The following ANKK1 variants were observed in gnomAD, a reference collection of about 807,000 sequenced individuals.
ANKK1 encodes the protein ankyrin repeat and kinase domain containing 1.
Under a neutral mutation model 37.6 loss-of-function variants are expected in ANKK1, and 37 were observed. The observed-to-expected ratio is 0.98, with a 90% confidence interval of 0.76 to 1.29. ANKK1 has a LOEUF of 1.29. Among genes scored for constraint, ANKK1 ranks in the 50% most tolerant of loss-of-function variants. The probability of loss-of-function intolerance (pLI) is 0.00; values close to 1 mark genes in which losing one functional copy is unlikely to be tolerated. For synonymous variants in ANKK1, 415 were observed against 418.7 expected (o/e 0.99, Z 0.11); for missense variants, 1,019 against 990.6 (o/e 1.03, Z -0.39).
intron 2 of ANKK1, 130 bp from the exon 3 acceptor site, chr11:113,394,799 G>T: frequency 7.9e-7 from 1 of 1,267,986 alleles, no homozygotes; most frequent in Non-Finnish European, 1.1e-6. Context: ...GGTAGTGCTA[G>T]GAGGGAGTGT....
chr11:113,395,513 G>T (rs953118527), intron 4 of ANKK1, 105 bp downstream of exon 4: 41 of 1,228,830 alleles, frequency 3.3e-5, no homozygotes, highest in South Asian at 6.4e-5. Context: ...TCAAGTTGCA[G>T]GTTTGTGTGG....
In ANKK1 at chr11:113,395,001, C is replaced by T. The variant is rs779011394; in HGVS notation, c.553C>T (p.Arg185Trp). Residue 185 changes from arginine (R) to tryptophan (W), a missense_variant, in exon 3 of 8, where the codon CGG (arginine) becomes TGG (tryptophan). Transcript: ENST00000303941. ...RMQYIERSAL[R>W]GMLSYIPPEM... ...GCAGTACATCGAGAGGTCGGCTCTG[C>T]GGGGCATGCTCAGCTACATCCCCCC... 45 of 1,613,322 alleles carry T rather than the reference C, an allele frequency of 2.8e-5. No individual in the cohort carries two copies. Among genetic ancestry groups the T allele is most frequent in the East Asian group, 1.1e-4 (5 of 44,864 alleles).
chr11:113,391,042 A>G (rs1244739781), intron 1 of ANKK1, among the ~76,000 whole-genome samples: 1 of 152,190 alleles, frequency 6.6e-6, no homozygotes, highest in Non-Finnish European at 1.5e-5. Flanking sequence ...TTGCTTTTTT[A>G]TGTAGACTTC....
At position 113,399,436 on chromosome 11, in the gene ANKK1, G is replaced by A. The variant is rs1159303036; in HGVS notation, c.1467G>A (p.Leu489=). Residue 489 remains leucine (L), a synonymous_variant, in exon 8 of 8, where the codon CTG becomes CTA. Transcript: ENST00000303941. Reference sequence around the variant, plus strand: ...TCTCCCGTCAGGCTGACCCCAACCTGCATGAGGCTGAGGGCAAGACCCCCC... The same window carrying A: ...TCTCCCGTCAGGCTGACCCCAACCTACATGAGGCTGAGGGCAAGACCCCCC... ...LLVSRQADPN[L]HEAEGKTPLH... The A allele has an allele frequency of 6.3e-7, 1 of 1,598,612 alleles. No individual in the cohort carries two copies. Among genetic ancestry groups the A allele is most frequent in the Admixed American group, 1.7e-5 (1 of 58,010 alleles).
At chr11:113,398,112 TC>T (rs1950654422) in intron 7 of ANKK1, 96 bp downstream of exon 7, 2 of 1,396,148 alleles carry the variant, frequency 1.4e-6, no homozygotes, top group Non-Finnish European at 9.9e-7. Context: ...CTCCCCCTCA[TC>T]CCCAGGCCTA....
chr11:113,391,170 A>C (rs754942730), intron 1 of ANKK1, among the ~76,000 whole-genome samples: 1 of 152,200 alleles, frequency 6.6e-6, no homozygotes, highest in Non-Finnish European at 1.5e-5. Flanking sequence ...AACAGGTGCA[A>C]AGGTCCTGAG....
rs755742742 is a variant in ANKK1, at chr11:113,396,166, T to A, written c.782T>A (p.Val261Glu). 29 of 1,613,830 alleles carry A rather than the reference T, an allele frequency of 1.8e-5. No individual in the cohort carries two copies. In the South Asian group the frequency reaches 2.9e-4, roughly 16 times the overall value. Residue 261 changes from valine (V) to glutamate (E), a missense_variant, in exon 5 of 8, where the codon GTG (valine) becomes GAG (glutamate). Transcript: ENST00000303941. ...DQWPSEAQQM[V>E]DLMKRCWDQD... ...TGGCCAAGCGAGGCCCAGCAGATGG[T>A]GGACCTGATGAAACGCTGCTGGGAC... is the stretch of plus-strand genomic sequence containing the variant.
chr11:113,399,432 A>C lies in ANKK1; in HGVS notation c.1463A>C (p.Asn488Thr). 1.3e-6 allele frequency: 2 copies of C among 1,599,790 alleles called. No individual in the cohort carries two copies. The highest frequency in any genetic ancestry group is 2.3e-5 in the South Asian group (2 of 88,314). The change falls in exon 8 of 8, where the codon AAC (asparagine) becomes ACC (threonine). Residue 488 changes from asparagine to threonine, a missense_variant. By Grantham distance (65) the Asn-to-Thr change is moderately conservative. Transcript: ENST00000303941. Reference protein sequence around the residue: ...RLLVSRQADPNLHEAEGKTPL... With the variant: ...RLLVSRQADPTLHEAEGKTPL... ...CTGGTCTCCCGTCAGGCTGACCCCA[A>C]CCTGCATGAGGCTGAGGGCAAGACC...
chr11:113,400,027 CGCCCGCAACAAGGTGGG>C lies in ANKK1; in HGVS notation c.2059_2075del (p.Ala687LeufsTer66). 1 of 1,613,498 alleles carries C rather than the reference CGCCCGCAACAAGGTGGG, an allele frequency of 6.2e-7. No homozygotes were observed. Among genetic ancestry groups the C allele is most frequent in the South Asian group, 1.1e-5 (1 of 91,068 alleles). ...TCCTAGAACATCACGCAAATGTCCA[CGCCCGCAACAAGGTGGG>C]CTGGACACCCGCCCACCTGGCCGCC... On this transcript the variant is annotated frameshift_variant, in exon 8 of 8. Transcript: ENST00000303941. LOFTEE classifies it low-confidence loss of function (END_TRUNC).
chr11:113,387,811 C>G lies in ANKK1; in HGVS notation c.-74C>G, dbSNP rs1305549261. ...TCTCCCGGACCCGAGGAGCAGGAAG[C>G]GGCGGCTCCTTCGGCCACCCAGGCA... On this transcript the variant is annotated 5_prime_UTR_variant, in exon 1 of 8. Coordinates refer to ENST00000303941, the MANE Select transcript of ANKK1 (RefSeq NM_178510.2). 7.1e-7 allele frequency: 1 copy of G among 1,412,240 alleles called. No homozygotes were observed. Among genetic ancestry groups the G allele is most frequent in the Non-Finnish European group, 9.3e-7 (1 of 1,076,328 alleles). The allele number at this position is 1,412,240 out of a possible 1,614,324, so 87.5% of individuals were successfully genotyped here.
chr11:113,399,533 GC>G lies in ANKK1; in HGVS notation c.1565del (p.Ala522ValfsTer6). 1 of 1,597,162 alleles carries G rather than the reference GC, an allele frequency of 6.3e-7. No individual in the cohort carries two copies. The highest frequency in any genetic ancestry group is 1.7e-5 in the Admixed American group (1 of 57,714). On this transcript the variant is annotated frameshift_variant, in exon 8 of 8. Coordinates refer to ENST00000303941, the MANE Select transcript of ANKK1 (RefSeq NM_178510.2). LOFTEE classifies it low-confidence loss of function (END_TRUNC). ...LLTSQGAELDAQQRNLRTPLH... is the reference protein window; with the variant it reads ...LLTSQGAELDXQQRNLRTPLH... The stretch of plus-strand genomic sequence containing the variant: ...GACCAGCCAGGGGGCTGAGTTGGAT[GC>G]TCAGCAGAGAAACCTGAGAACACCA...
intron 1 of ANKK1, among the ~76,000 whole-genome samples, chr11:113,390,664 G>A (rs1406346168): frequency 6.6e-6 from 1 of 151,742 alleles, no homozygotes; most frequent in African/African-American, 2.4e-5. Flanking sequence ...GAACCCAGGA[G>A]GCAGAGGTTG....
chr11:113,389,614 C>T (rs11823773), intron 1 of ANKK1, among the ~76,000 whole-genome samples: 12,109 of 152,226 alleles, frequency 0.08, 1,597 homozygotes, highest in African/African-American at 0.28. Context: ...AGCTCATTAA[C>T]AGAAAGTTTG....
rs1440721572 is a variant in ANKK1, at chr11:113,399,219, A to G, written c.1250A>G (p.His417Arg). 1 of 1,605,908 alleles carries G rather than the reference A, an allele frequency of 6.2e-7. No individual in the cohort carries two copies. The highest frequency in any genetic ancestry group is 1.1e-5 in the South Asian group (1 of 88,972). Residue 417 changes from histidine (H) to arginine (R), a missense_variant, in exon 8 of 8, where the codon CAT (histidine) becomes CGT (arginine). Coordinates refer to ENST00000303941, the MANE Select transcript of ANKK1 (RefSeq NM_178510.2). The part of the protein sequence containing the change: ...QPDLCALLLA[H>R]GADANRVDED... ...GACCTCTGTGCCCTGCTTTTGGCACATGGTGCTGATGCCAACCGAGTGGAT... is the reference window on the plus strand; with the variant it reads ...GACCTCTGTGCCCTGCTTTTGGCACGTGGTGCTGATGCCAACCGAGTGGAT...
At chr11:113,395,193 C>T (rs1303271468) in intron 3 of ANKK1, 113 bp downstream of exon 3, 11 of 1,496,904 alleles carry the variant, frequency 7.3e-6, no homozygotes, top group Non-Finnish European at 9.9e-6. Flanking sequence ...AGGTCTGGCC[C>T]AAGGCGGAGG....
Position 113,400,393 on chromosome 11 carries a change from C to A in ANKK1, c.*126C>A. 3 of 1,022,188 alleles carry A rather than the reference C, an allele frequency of 2.9e-6. No individual in the cohort carries two copies. The highest frequency in any genetic ancestry group is 4.1e-6 in the Non-Finnish European group (3 of 724,254). The allele number at this position is 1,022,188 out of a possible 1,614,324, so 63.3% of individuals were successfully genotyped here. ...CCAACATGGCAAAACCCTGTCTCTG[C>A]TAAAAATACAAAATTTAGCTGGGTA... On this transcript the variant is annotated 3_prime_UTR_variant, in exon 8 of 8. Transcript: ENST00000303941.
intron 5 of ANKK1, among the ~76,000 whole-genome samples, chr11:113,396,885 C>T (rs1194873659): frequency 2.0e-5 from 3 of 152,190 alleles, no homozygotes; most frequent in African/African-American, 7.2e-5. Flanking sequence ...TAAAATGTTT[C>T]CAGGCCATGA....
In ANKK1 at chr11:113,399,204, C is replaced by T. The variant is rs1396529383; in HGVS notation, c.1235C>T (p.Ala412Val). The T allele has an allele frequency of 6.2e-7, 1 of 1,603,732 alleles. No individual in the cohort carries two copies. ...CAGGACCAGCAACCCGACCTCTGTG[C>T]CCTGCTTTTGGCACATGGTGCTGAT... Reference protein sequence around the residue: ...AAQDQQPDLCALLLAHGADAN... With the variant: ...AAQDQQPDLCVLLLAHGADAN... Residue 412 changes from alanine (A) to valine (V), a missense_variant, in exon 8 of 8, where the codon GCC (alanine) becomes GTC (valine). By Grantham distance (64) the Ala-to-Val change is moderately conservative. Coordinates refer to ENST00000303941, the MANE Select transcript of ANKK1 (RefSeq NM_178510.2).
rs746484784 is a variant in ANKK1 at position 113,399,118 on chromosome 11, C to T, written c.1149C>T (p.Ala383=). ...TGGAGCAGGTGAGGTTGCTGCTGGC[C>T]CACGAGGTAGACGTGGACTGCCAGA... ...GSVEQVRLLL[A]HEVDVDCQTA... is the part of the protein sequence containing the mutation. The change falls in exon 8 of 8, where the codon GCC becomes GCT. Residue 383 remains alanine, a synonymous_variant. Transcript: ENST00000303941. 1 of 1,593,566 alleles carries T rather than the reference C, an allele frequency of 6.3e-7. No homozygotes were observed. The highest frequency in any genetic ancestry group is 8.5e-7 in the Non-Finnish European group (1 of 1,170,234).
Sources: gnomAD v4.1 joint callset for allele counts (sites outside exome capture counted in the v4.1 genomes callset) on GRCh38, gnomAD v4.1.1 for gene constraint, MANE v1.5 for transcripts, NCBI Gene and HGNC (gene_info 2026-07-23, HGNC 2026-07-21) for gene names.